CYP51A1: variants seen among roughly 807,000 people sequenced by gnomAD.
CYP51A1 encodes cytochrome P450 family 51 subfamily A member 1.
In CYP51A1, 45 loss-of-function variants were observed where a neutral mutation model predicts 53.5. That is an observed-to-expected ratio of 0.84 (90% CI 0.66 to 1.08). The LOEUF (loss-of-function observed/expected upper bound fraction) is 1.08, where lower values mean the gene tolerates loss of function less well. Among genes scored for constraint, CYP51A1 ranks in the 50% least tolerant of loss-of-function variants. The pLI is 0.00. For synonymous variants in CYP51A1, 181 were observed against 217.7 expected (o/e 0.83, Z 1.48); for missense variants, 462 against 621.7 (o/e 0.74, Z 2.73).
chr7:92,124,832 G>A (rs1253389657), intron 5 of CYP51A1, among the ~76,000 whole-genome samples: 1 of 152,192 alleles, frequency 6.6e-6, no homozygotes, highest in African/African-American at 2.4e-5. Flanking sequence ...AGAGCAGGTA[G>A]AAACAGGCAG....
At chr7:92,115,271 G>A (rs1049782362) in intron 9 of CYP51A1, among the ~76,000 whole-genome samples, 1 of 152,148 alleles carries the variant, frequency 6.6e-6, no homozygotes. Flanking sequence ...AGTCCATCCA[G>A]AACCTTAGAA....
In CYP51A1 at chr7:92,126,249, A is replaced by C; in HGVS notation, c.770+4T>G. 6.3e-7 allele frequency: 1 copy of C among 1,594,720 alleles called. No individual in the cohort carries two copies. The highest frequency in any genetic ancestry group is 1.1e-5 in the South Asian group (1 of 87,428). On this transcript the variant is annotated splice_donor_region_variant and intron_variant, in intron 5 of 9. Transcript: ENST00000003100. ...ACCTAGTGTAATATATTCTTTATCC[A>C]TACCTGAAACTAGGCAAAGGCAGCC...
In CYP51A1 at chr7:92,133,215, G is replaced by C. The variant is rs534207239; in HGVS notation, c.192+958C>G. Among the ~76,000 whole-genome samples the C allele has an allele frequency of 5.3e-5, 8 of 152,156 alleles. No homozygotes were observed. In the East Asian group the frequency reaches 1.5e-3, roughly 29 times the overall value. ...AGGCACAATCAAATAACATTTGGGAGATTGAAAGCTAGGTTAATAAGGCTG... is the reference window on the plus strand; with the variant it reads ...AGGCACAATCAAATAACATTTGGGACATTGAAAGCTAGGTTAATAAGGCTG... On this transcript the variant is annotated intron_variant, in intron 1 of 9. Coordinates refer to ENST00000003100, the MANE Select transcript of CYP51A1 (RefSeq NM_000786.4).
chr7:92,131,707 A>G (rs1336925147), intron 2 of CYP51A1, 67 bp downstream of exon 2: 4 of 861,808 alleles, frequency 4.6e-6, no homozygotes, highest in Non-Finnish European at 7.3e-6. Context: ...CCACTTTTTT[A>G]AAAAAGTTTA....
At chr7:92,125,088 G>A (rs1819771223) in intron 5 of CYP51A1, among the ~76,000 whole-genome samples, 1 of 147,420 alleles carries the variant, frequency 6.8e-6, no homozygotes, top group Non-Finnish European at 1.5e-5. Flanking sequence ...AGCTTGCAGT[G>A]AGCCGAGCTC....
Position 92,129,000 on chromosome 7 carries a change from C to A in CYP51A1, c.348G>T (p.Gly116=). The A allele has an allele frequency of 6.2e-7, 1 of 1,613,784 alleles. No homozygotes were observed. Among genetic ancestry groups the A allele is most frequent in the Non-Finnish European group, 8.5e-7 (1 of 1,179,824 alleles). The change falls in exon 3 of 10, where the codon GGG becomes GGT. Residue 116 remains glycine, a synonymous_variant. Coordinates refer to ENST00000003100, the MANE Select transcript of CYP51A1 (RefSeq NM_000786.4). ...TAAAAAGCAGTGCAGCAGCATCACT[C>A]CCCAGAAGGTAAGTAAATGTCTTGC... ...MVGKTFTYLL[G]SDAAALLFNS...
chr7:92,118,555 T>C lies in CYP51A1; in HGVS notation c.1147A>G (p.Ile383Val), dbSNP rs150090274. The change falls in exon 8 of 10, where the codon ATA becomes GTA. Residue 383 changes from isoleucine to valine, a missense_variant. Physicochemically the swap from Ile to Val is conservative, Grantham distance 29. Transcript: ENST00000003100. ...CTGGCCATTCTCATCATGATCATTA[T>C]AGGAGGTCTAAGTCTTAATGTTTCT... ...IKETLRLRPP[I>V]MIMMRMARTP... 2.4e-4 allele frequency: 380 copies of C among 1,600,062 alleles called. 4 individuals carry two copies. The East Asian group carries it at 7.5e-3, about 32-fold the overall frequency.
chr7:92,127,714 T>C (rs1563180926), intron 3 of CYP51A1, 83 bp from the exon 4 acceptor site: 1 of 1,360,884 alleles, frequency 7.3e-7, no homozygotes, highest in Non-Finnish European at 1.0e-6. Flanking sequence ...ATTATAATTA[T>C]GTAACACTAA....
At chr7:92,123,447 A>C in intron 6 of CYP51A1, 132 bp from the exon 7 acceptor site, 1 of 870,030 alleles carries the variant, frequency 1.1e-6, no homozygotes, top group Non-Finnish European at 1.8e-6. Context: ...ATCACAAGTC[A>C]AGAGTTTTTT....
chr7:92,130,340 T>C (rs1294438246), intron 2 of CYP51A1, among the ~76,000 whole-genome samples: 1 of 152,220 alleles, frequency 6.6e-6, no homozygotes, highest in African/African-American at 2.4e-5. Flanking sequence ...AAATTTTATA[T>C]ACAGGGCAGA....
At position 92,113,700 on chromosome 7, in the gene CYP51A1, T is replaced by C; in HGVS notation, c.1495A>G (p.Asn499Asp). 2.5e-6 allele frequency: 4 copies of C among 1,612,064 alleles called. No individual in the cohort carries two copies. The highest frequency in any genetic ancestry group is 3.4e-6 in the Non-Finnish European group (4 of 1,179,612). The change falls in exon 10 of 10, where the codon AAC becomes GAC. Residue 499 changes from asparagine to aspartate, a missense_variant. Coordinates refer to ENST00000003100, the MANE Select transcript of CYP51A1 (RefSeq NM_000786.4). ...NYTTMIHTPENPVIRYKRRSK is the reference protein window; with the variant it reads ...NYTTMIHTPEDPVIRYKRRSK ...CTTCGTTTGTAACGGATAACTGGGT[T>C]TTCAGGGGTGTGAATCATAGTTGTA... is the stretch of plus-strand genomic sequence containing the variant.
At chr7:92,123,892 A>G (rs777615492) in intron 5 of CYP51A1, 39 bp from the exon 6 acceptor site, 1 of 1,508,786 alleles carries the variant, frequency 6.6e-7, no homozygotes, top group Admixed American at 2.3e-5. Context: ...TTAAATAAAG[A>G]AATAACCTTC....
intron 2 of CYP51A1, 145 bp downstream of exon 2, chr7:92,131,629 A>G: frequency 1.9e-6 from 1 of 537,864 alleles, no homozygotes; most frequent in East Asian, 3.0e-5. Flanking sequence ...CTCTTAAACC[A>G]GAGCAGTTTC....
chr7:92,125,145 A>G (rs1327516826), intron 5 of CYP51A1, among the ~76,000 whole-genome samples: 3 of 94,402 alleles, frequency 3.2e-5, no homozygotes, highest in Non-Finnish European at 5.8e-5. Flanking sequence ...CTCCATCACC[A>G]AAAAAAAAAA....
intron 3 of CYP51A1, among the ~76,000 whole-genome samples, chr7:92,127,838 G>A (rs184698742): frequency 2.6e-4 from 40 of 152,176 alleles, no homozygotes; most frequent in African/African-American, 9.6e-4. Context: ...TGAACAGAGG[G>A]ATTTTCCAGG....
intron 8 of CYP51A1, among the ~76,000 whole-genome samples, chr7:92,117,988 CAA>C (rs5885800): frequency 8.8e-6 from 1 of 113,926 alleles, no homozygotes; most frequent in Admixed American, 9.0e-5. Flanking sequence ...AATGCCGTCT[CAA>C]AAAAAAAAAA....
At chr7:92,122,710 C>T (rs1819715811) in intron 7 of CYP51A1, among the ~76,000 whole-genome samples, 3 of 152,124 alleles carry the variant, frequency 2.0e-5, no homozygotes, top group Admixed American at 6.6e-5. Flanking sequence ...ATGTCTTGTC[C>T]TCATTACTAC....
At position 92,134,172 on chromosome 7, in the gene CYP51A1, C is replaced by T. The variant is rs764820357; in HGVS notation, c.192+1G>A. ...ACTCAGACCCTAAAGAATGTACGTA[C>T]CACCCCTGCGGGCAGCTGGACCAGG... is the stretch of plus-strand genomic sequence containing the variant. On this transcript the variant is annotated splice_donor_variant, in intron 1 of 9. Coordinates refer to ENST00000003100, the MANE Select transcript of CYP51A1 (RefSeq NM_000786.4). LOFTEE classifies it high-confidence loss of function. The T allele has an allele frequency of 3.7e-6, 6 of 1,611,472 alleles. No homozygotes were observed. In the South Asian group the frequency reaches 5.5e-5, roughly 15 times the overall value.
Position 92,127,507 on chromosome 7 carries a change from T to C in CYP51A1, c.593A>G (p.Lys198Arg), listed in dbSNP as rs1472321575. The stretch of plus-strand genomic sequence containing the variant: ...CAAACATAAAACATTTTGCTTACTT[T>C]TTTCTCCACTTTCTCCCCAACTCTC... ...YFESWGESGEKNVFEALSELI... is the reference protein window; with the variant it reads ...YFESWGESGERNVFEALSELI... The change falls in exon 4 of 10, where the codon AAA (lysine) becomes AGA (arginine). Residue 198 changes from lysine (K) to arginine (R), a missense_variant and splice_region_variant. Coordinates refer to ENST00000003100, the MANE Select transcript of CYP51A1 (RefSeq NM_000786.4). The C allele has an allele frequency of 1.2e-6, 2 of 1,606,066 alleles. No individual in the cohort carries two copies. Among genetic ancestry groups the C allele is most frequent in the Non-Finnish European group, 1.7e-6 (2 of 1,177,934 alleles).
Sources: allele counts gnomAD v4.1 joint callset (sites outside exome capture counted in the v4.1 genomes callset), GRCh38; gene constraint gnomAD v4.1.1; transcripts MANE v1.5; gene names NCBI Gene and HGNC (gene_info 2026-07-23, HGNC 2026-07-21).